The following DDHD1 variants were observed in gnomAD, a reference collection of about 807,000 sequenced individuals.
DDHD1 encodes the protein phospholipase DDHD1.
In DDHD1, 49 loss-of-function variants were observed where a neutral mutation model predicts 96.4. The ratio of observed to expected loss-of-function variants is 0.51; its 90% confidence interval spans 0.40 to 0.64. The LOEUF (loss-of-function observed/expected upper bound fraction) is 0.64, where lower values mean the gene tolerates loss of function less well. DDHD1 is among the 30% of genes least tolerant of loss of function. The pLI is 0.00. For missense variants in DDHD1, 1,106 were observed against 1,161.2 expected, an observed-to-expected ratio of 0.95 and a Z score of 0.69; for synonymous variants, 442 against 446.5, an observed-to-expected ratio of 0.99 and a Z score of 0.13.
intron 6 of DDHD1, among the ~76,000 whole-genome samples, chr14:53,063,956 T>C (rs1017038583): frequency 6.6e-6 from 1 of 152,124 alleles, no homozygotes; most frequent in Non-Finnish European, 1.5e-5. Context: ...TAAGGTTCTT[T>C]TGTTACTCAA....
intron 1 of DDHD1, chr14:53,149,885 ATT>A (rs1247208811): frequency 6.6e-6 from 1 of 152,042 alleles, no homozygotes; most frequent in Non-Finnish European, 1.5e-5. Flanking sequence ...CAACTTTTGC[ATT>A]GTCATTAATC....
Position 53,152,538 on chromosome 14 carries a change from C to T in DDHD1, c.561G>A (p.Ser187=), listed in dbSNP as rs1161786631. ...TCCGGAAGGCGAGCTCGATGCGGAG[C>T]GAGTCGTAGCCGATGAAGGGCTTCC... ...KTWKPFIGYD[S]LRIELAFRTL... is the part of the protein sequence containing the mutation. The change falls in exon 1 of 13, where the codon TCG becomes TCA. Residue 187 remains serine (S), a synonymous_variant. Coordinates refer to ENST00000673822, the MANE Select transcript of DDHD1 (RefSeq NM_001160148.2). 1.9e-6 allele frequency: 3 copies of T among 1,613,492 alleles called. No individual in the cohort carries two copies. Among genetic ancestry groups the T allele is most frequent in the Non-Finnish European group, 2.5e-6 (3 of 1,179,928 alleles).
At chr14:53,103,436 T>C (rs937063106) in intron 2 of DDHD1, 16 of 400,508 alleles carry the variant, frequency 4.0e-5, no homozygotes, top group Non-Finnish European at 5.7e-5. Flanking sequence ...ATTGTAACAA[T>C]CTGTACATTT....
At chr14:53,144,259 G>C (rs1414791108) in intron 1 of DDHD1, among the ~76,000 whole-genome samples, 1 of 152,246 alleles carries the variant, frequency 6.6e-6, no homozygotes, top group Admixed American at 6.5e-5. Flanking sequence ...TGGGTAACTT[G>C]TGCTAATCTT....
intron 1 of DDHD1, among the ~76,000 whole-genome samples, chr14:53,111,263 T>C (rs1888082604): frequency 6.6e-6 from 1 of 152,248 alleles, no homozygotes; most frequent in Non-Finnish European, 1.5e-5. Flanking sequence ...TCTAATGTAT[T>C]AATGCACTGT....
At chr14:53,108,151 C>T (rs190690925) in intron 1 of DDHD1, among the ~76,000 whole-genome samples, 13 of 152,314 alleles carry the variant, frequency 8.5e-5, no homozygotes, top group Admixed American at 3.3e-4. Flanking sequence ...TTGCCACCAT[C>T]GCAGACCTGC....
Position 53,072,717 on chromosome 14 carries a change from C to CA in DDHD1, c.1397-15dup, listed in dbSNP as rs1884622384. The CA allele has an allele frequency of 6.4e-7, 1 of 1,559,104 alleles. No homozygotes were observed. The highest frequency in any genetic ancestry group is 2.3e-5 in the East Asian group (1 of 44,406). ...AATCAACAGTGTCTACAAAAACAAACAAAAAAAGCAAGTTAACTTATAGAA... is the reference window on the plus strand; with the variant it reads ...AATCAACAGTGTCTACAAAAACAAACAAAAAAAAGCAAGTTAACTTATAGAA... On this transcript the variant is annotated splice_polypyrimidine_tract_variant and intron_variant, in intron 5 of 12. Coordinates refer to ENST00000673822, the MANE Select transcript of DDHD1 (RefSeq NM_001160148.2).
intron 4 of DDHD1, among the ~76,000 whole-genome samples, chr14:53,085,238 A>C (rs1460939960): frequency 6.6e-6 from 1 of 152,222 alleles, no homozygotes; most frequent in East Asian, 1.9e-4. Flanking sequence ...GCAGGCTTAA[A>C]CATCCCTGTC....
rs1439348469 is a variant in DDHD1 at position 53,051,935 on chromosome 14, A to G, written c.2438-8T>C. The G allele has an allele frequency of 1.9e-6, 3 of 1,570,116 alleles. No homozygotes were observed. Among genetic ancestry groups the G allele is most frequent in the Admixed American group, 1.9e-5 (1 of 53,856 alleles). ...ATTCTTGAAGTCTGAAATCTGTGAA[A>G]AAAAAACACAAGATGCTGTAAAGGG... On this transcript the variant is annotated splice_polypyrimidine_tract_variant and splice_region_variant and intron_variant, in intron 11 of 12. Coordinates refer to ENST00000673822, the MANE Select transcript of DDHD1 (RefSeq NM_001160148.2).
intron 6 of DDHD1, among the ~76,000 whole-genome samples, chr14:53,068,220 G>A (rs1566534428): frequency 6.8e-6 from 1 of 146,006 alleles, no homozygotes; most frequent in Admixed American, 6.9e-5. Flanking sequence ...AACATTTTCC[G>A]CAGCCACTCG....
intron 1 of DDHD1, among the ~76,000 whole-genome samples, chr14:53,135,707 A>G (rs1215142463): frequency 6.6e-6 from 1 of 152,264 alleles, no homozygotes; most frequent in African/African-American, 2.4e-5. Flanking sequence ...GTCAAGAATG[A>G]AGAGAGTAAA....
In DDHD1 at chr14:53,152,810, C is replaced by T; in HGVS notation, c.289G>A (p.Gly97Ser). Reference protein sequence around the residue: ...ENYDFSSAESGSSLRYYSEGE... With the variant: ...ENYDFSSAESSSSLRYYSEGE... ...TCGCTGTAGTAGCGCAGCGAGGAGC[C>T]CGACTCGGCGGAGCTGAAGTCATAG... The change falls in exon 1 of 13, where the codon GGC (glycine) becomes AGC (serine). Residue 97 changes from glycine to serine, a missense_variant. This residue lies in a region of DDHD1 where 456 missense variants were observed against 402.4 expected (regional missense o/e 1.13). Transcript: ENST00000673822. 6.2e-7 allele frequency: 1 copy of T among 1,610,472 alleles called. No individual in the cohort carries two copies. Among genetic ancestry groups the T allele is most frequent in the Non-Finnish European group, 8.5e-7 (1 of 1,179,126 alleles).
At position 53,084,011 on chromosome 14, in the gene DDHD1, T is replaced by G. The variant is rs1321605307; in HGVS notation, c.1289+7774A>C. On this transcript the variant is annotated intron_variant, in intron 4 of 12. Coordinates refer to ENST00000673822, the MANE Select transcript of DDHD1 (RefSeq NM_001160148.2). ...AGCTCTTCCTATAGTTAAGATGAAG[T>G]CAACTTCCATCTGATTCTAGGTTGG... Among the ~76,000 whole-genome samples the G allele has an allele frequency of 2.0e-5, 3 of 152,186 alleles. No homozygotes were observed. The East Asian group carries it at 5.8e-4, about 29-fold the overall frequency.
At chr14:53,087,527 AC>A (rs1242354406) in intron 4 of DDHD1, among the ~76,000 whole-genome samples, 1 of 152,234 alleles carries the variant, frequency 6.6e-6, no homozygotes, top group African/African-American at 2.4e-5. Flanking sequence ...CCACACAAAT[AC>A]ATGGAAACTG....
chr14:53,060,995 A>T, intron 8 of DDHD1, 131 bp downstream of exon 8: 1 of 855,540 alleles, frequency 1.2e-6, no homozygotes, highest in Non-Finnish European at 1.8e-6. Flanking sequence ...TGTCCAACAT[A>T]TAGTATATGT....
rs1209457802 is a variant in DDHD1 at position 53,039,854 on chromosome 14, C to T, written c.*6914G>A. The T allele has an allele frequency of 6.6e-6, 1 of 152,240 alleles. No homozygotes were observed. Among genetic ancestry groups the T allele is most frequent in the Non-Finnish European group, 1.5e-5 (1 of 68,108 alleles). 9.4% of individuals were successfully genotyped at this position (152,240 alleles called of 1,614,324 possible). On this transcript the variant is annotated 3_prime_UTR_variant, in exon 13 of 13. Transcript: ENST00000673822. ...CTCATAAACAATGCCTCTGAAATGT[C>T]TAAGCTGTCAGACTGTCATGACCAT...
Position 53,038,915 on chromosome 14 carries a change from T to G in DDHD1, c.*7853A>C, listed in dbSNP as rs756644165. 4 of 152,172 alleles carry G rather than the reference T, an allele frequency of 2.6e-5. No individual in the cohort carries two copies. The allele number at this position is 152,172 out of a possible 1,614,324, so 9.4% of individuals were successfully genotyped here. On this transcript the variant is annotated 3_prime_UTR_variant, in exon 13 of 13. Coordinates refer to ENST00000673822, the MANE Select transcript of DDHD1 (RefSeq NM_001160148.2). ...ACAGCCAATAGATCTTCAGCAAAGC[T>G]GATACAAGCAAGCAATGGGGAAAGG...
At chr14:53,086,661 T>C (rs534835648) in intron 4 of DDHD1, among the ~76,000 whole-genome samples, 2 of 151,970 alleles carry the variant, frequency 1.3e-5, no homozygotes, top group African/African-American at 4.8e-5. Flanking sequence ...GCACTAAACA[T>C]GGAAAGGAAC....
chr14:53,051,539 T>C (rs1439824197), intron 12 of DDHD1, among the ~76,000 whole-genome samples: 1 of 151,958 alleles, frequency 6.6e-6, no homozygotes, highest in Non-Finnish European at 1.5e-5. Context: ...GCAAACCTCT[T>C]TGGAGCCTTT....
Sources: allele counts gnomAD v4.1 joint callset (sites outside exome capture counted in the v4.1 genomes callset), GRCh38; gene constraint gnomAD v4.1.1; regional missense constraint gnomAD v4.1.1; transcripts MANE v1.5; gene names NCBI Gene and HGNC (gene_info 2026-07-23, HGNC 2026-07-21).